TXNDC12: variants seen among roughly 807,000 people sequenced by gnomAD.
The protein encoded by TXNDC12 is thioredoxin domain containing 12, also known as thioredoxin domain-containing protein 12.
In TXNDC12, 22 loss-of-function variants were observed where a neutral mutation model predicts 24.2. That is an observed-to-expected ratio of 0.91 (90% confidence interval 0.65 to 1.30). TXNDC12 has a LOEUF of 1.30. TXNDC12 is among the 50% of genes most tolerant of loss of function. The pLI, the probability that TXNDC12 is intolerant of heterozygous loss-of-function variation, is 0.00. For synonymous variants in TXNDC12, 58 were observed against 73.4 expected (o/e 0.79, Z 1.07); for missense variants, 184 against 205.8 (o/e 0.89, Z 0.65).
chr1:52,027,384 C>A (rs972986488), intron 3 of TXNDC12, 36 bp from the exon 4 acceptor site: 4 of 1,427,176 alleles, frequency 2.8e-6, no homozygotes, highest in Non-Finnish European at 4.0e-6. Context: ...GAAGAAAAAA[C>A]ATCATTGTCA....
At chr1:52,045,784 A>G (rs961735220) in intron 1 of TXNDC12, among the ~76,000 whole-genome samples, 1 of 152,230 alleles carries the variant, frequency 6.6e-6, no homozygotes, top group Non-Finnish European at 1.5e-5. Flanking sequence ...CAAAAGTAAG[A>G]GCAAAATAGA....
intron 3 of TXNDC12, 21 bp from the exon 4 acceptor site, chr1:52,027,369 G>A (rs1258973362): frequency 1.3e-6 from 2 of 1,563,160 alleles, no homozygotes; most frequent in Non-Finnish European, 1.8e-6. Flanking sequence ...AAAGATTTTG[G>A]AATAGAAGAA....
intron 2 of TXNDC12, chr1:52,032,698 C>T (rs2809917): frequency 0.13 from 205,092 of 1,595,104 alleles, 16,108 homozygotes; most frequent in African/African-American, 0.36. Context: ...CTCCTCTGGT[C>T]AGTGCAGGCT....
intron 3 of TXNDC12, 72 bp from the exon 4 acceptor site, chr1:52,027,420 A>G: frequency 1.7e-6 from 2 of 1,147,034 alleles, no homozygotes; most frequent in Admixed American, 1.8e-5. Flanking sequence ...GAACATAAGC[A>G]TCACTATTTC....
At chr1:52,055,208 T>A (rs1686315282), upstream of TXNDC12, 2 of 451,226 alleles carry the variant, frequency 4.4e-6, no homozygotes, top group African/African-American at 4.2e-5. Flanking sequence ...ACTTCCCAGA[T>A]TTTTTTTTTT....
At chr1:52,046,861 AAAAAAATAT>A (rs1557998283) in intron 1 of TXNDC12, among the ~76,000 whole-genome samples, 4 of 74,514 alleles carry the variant, frequency 5.4e-5, no homozygotes, top group Non-Finnish European at 7.2e-5. Context: ...ACTAAAAAAA[AAAAAAATAT>A]ATATATATAT....
chr1:52,033,812 T>C, intron 2 of TXNDC12: 2 of 1,503,220 alleles, frequency 1.3e-6, no homozygotes, highest in Non-Finnish European at 1.8e-6. Context: ...TTCCGGGTTG[T>C]ACGCGTCTCC....
chr1:52,044,074 A>G (rs1686043466), intron 1 of TXNDC12: 1 of 152,178 alleles, frequency 6.6e-6, no homozygotes, highest in East Asian at 1.9e-4. Flanking sequence ...CCATCACTCT[A>G]TTGGTCAATA....
chr1:52,033,690 C>T, intron 2 of TXNDC12: 2 of 1,611,028 alleles, frequency 1.2e-6, no homozygotes, highest in Non-Finnish European at 1.7e-6. Context: ...CGGCAGCCAG[C>T]GCCACGCGCA....
At chr1:52,051,922 T>C (rs914223262) in intron 1 of TXNDC12, 2 of 169,322 alleles carry the variant, frequency 1.2e-5, no homozygotes, top group Middle Eastern at 1.0e-3. Flanking sequence ...AAGAGATACA[T>C]AAAACAAAAG....
In TXNDC12 at chr1:52,038,781, C is replaced by A. The variant is rs576839408; in HGVS notation, c.158+2756G>T. Among the ~76,000 whole-genome samples, 4 of 152,066 alleles carry A rather than the reference C, an allele frequency of 2.6e-5. No homozygotes were observed. In the South Asian group the frequency reaches 6.2e-4, roughly 24 times the overall value. ...TCAATAGGTATGCCTTTTTATAGTA[C>A]CCATGTAAAAGCTACATATTATGCA... On this transcript the variant is annotated intron_variant, in intron 2 of 6. Transcript: ENST00000371626.
At chr1:52,054,190 G>A (rs1686275523) in intron 1 of TXNDC12, among the ~76,000 whole-genome samples, 1 of 150,010 alleles carries the variant, frequency 6.7e-6, no homozygotes, top group South Asian at 2.1e-4. Flanking sequence ...GATTGCAGCA[G>A]AATCATTCCA....
intron 1 of TXNDC12, among the ~76,000 whole-genome samples, chr1:52,050,085 C>T (rs1016606643): frequency 6.6e-6 from 1 of 152,090 alleles, no homozygotes; most frequent in Non-Finnish European, 1.5e-5. Context: ...TGGTTGGGTT[C>T]CAGGGTCTGT....
At chr1:52,031,807 A>G (rs1188253671) in intron 2 of TXNDC12, among the ~76,000 whole-genome samples, 1 of 152,198 alleles carries the variant, frequency 6.6e-6, no homozygotes, top group Non-Finnish European at 1.5e-5. Context: ...GAGCAAAAAC[A>G]CTGTATCTAA....
chr1:52,039,360 G>A (rs1685944941), intron 2 of TXNDC12, among the ~76,000 whole-genome samples: 1 of 151,052 alleles, frequency 6.6e-6, no homozygotes, highest in Non-Finnish European at 1.5e-5. Context: ...ACCAAGTCTC[G>A]CTCTGTCTCC....
intron 1 of TXNDC12, among the ~76,000 whole-genome samples, chr1:52,045,996 T>C (rs892409151): frequency 1.3e-5 from 2 of 152,046 alleles, no homozygotes; most frequent in African/African-American, 2.4e-5. Flanking sequence ...GAGGATCATT[T>C]GAGCCCAGGA....
chr1:52,046,866 A>AATATATATATATATATATAT (rs869028968), intron 1 of TXNDC12, among the ~76,000 whole-genome samples: 1 of 30,172 alleles, frequency 3.3e-5, no homozygotes, highest in African/African-American at 5.4e-5. Context: ...AAAAAAAAAA[A>AATATATATATATATATATAT]ATATATATAT....
chr1:52,037,370 G>A (rs931064119), intron 2 of TXNDC12, among the ~76,000 whole-genome samples: 2 of 151,902 alleles, frequency 1.3e-5, no homozygotes, highest in Non-Finnish European at 2.9e-5. Flanking sequence ...GTGCCACCAC[G>A]CCCGGCGAAT....
At chr1:52,054,971 G>T in intron 1 of TXNDC12, 29 bp downstream of exon 1, 1 of 1,521,846 alleles carries the variant, frequency 6.6e-7, no homozygotes, top group Non-Finnish European at 9.1e-7. Flanking sequence ...GTAAAGATCA[G>T]TAAAGAGAAG....
Sources: allele counts gnomAD v4.1 joint callset (sites outside exome capture counted in the v4.1 genomes callset), GRCh38; gene constraint gnomAD v4.1.1; transcripts MANE v1.5; gene names NCBI Gene and HGNC (gene_info 2026-07-23, HGNC 2026-07-21).